Variants in KCNIP1 observed in about 807,000 individuals in gnomAD.
KCNIP1 encodes the protein A-type potassium channel modulatory protein KCNIP1.
In KCNIP1, 18 loss-of-function variants were observed where a neutral mutation model predicts 33.0. That is an observed-to-expected ratio of 0.55 (90% confidence interval 0.38 to 0.81). KCNIP1 has a LOEUF of 0.81. Among genes scored for constraint, KCNIP1 ranks in the 30% least tolerant of loss-of-function variants. KCNIP1 has a pLI of 0.00. For missense variants in KCNIP1, 238 were observed against 271.6 expected, an observed-to-expected ratio of 0.88 and a Z score of 0.87; for synonymous variants, 93 against 98.3, an observed-to-expected ratio of 0.95 and a Z score of 0.32.
At chr5:170,672,688 G>T (rs1442617854) in intron 1 of KCNIP1, among the ~76,000 whole-genome samples, 1 of 152,244 alleles carries the variant, frequency 6.6e-6, no homozygotes, top group Admixed American at 6.5e-5. Flanking sequence ...GTCATAGTGT[G>T]TCTAATGGCA....
At chr5:170,439,829 G>A (rs1755948101) in intron 1 of KCNIP1, among the ~76,000 whole-genome samples, 1 of 152,242 alleles carries the variant, frequency 6.6e-6, no homozygotes, top group Non-Finnish European at 1.5e-5. Flanking sequence ...AGTCTGCTGA[G>A]AAGAAGTGGG....
intron 1 of KCNIP1, among the ~76,000 whole-genome samples, chr5:170,563,077 T>C (rs1017602253): frequency 2.0e-5 from 3 of 152,214 alleles, no homozygotes; most frequent in African/African-American, 7.2e-5. Flanking sequence ...TCTTGGACAC[T>C]GCAGAAGACC....
intron 1 of KCNIP1, among the ~76,000 whole-genome samples, chr5:170,682,481 G>C (rs1055056492): frequency 6.6e-6 from 1 of 152,152 alleles, no homozygotes; most frequent in African/African-American, 2.4e-5. Flanking sequence ...GTGACTCTAT[G>C]ACCCTAAGGC....
intron 1 of KCNIP1, among the ~76,000 whole-genome samples, chr5:170,373,696 C>T (rs1763909247): frequency 6.6e-6 from 1 of 152,126 alleles, no homozygotes; most frequent in African/African-American, 2.4e-5. Context: ...TAGAAAGGCA[C>T]CTAGAATCTC....
chr5:170,425,973 G>A (rs1044793856), intron 1 of KCNIP1, among the ~76,000 whole-genome samples: 2 of 152,210 alleles, frequency 1.3e-5, no homozygotes, highest in African/African-American at 4.8e-5. Flanking sequence ...TAGGACTCAG[G>A]CATTTTCTCA....
At chr5:170,666,578 T>C (rs1235774323) in intron 1 of KCNIP1, among the ~76,000 whole-genome samples, 1 of 152,224 alleles carries the variant, frequency 6.6e-6, no homozygotes, top group Non-Finnish European at 1.5e-5. Context: ...AGAATAAGAA[T>C]GAAAATAAGT....
intron 1 of KCNIP1, among the ~76,000 whole-genome samples, chr5:170,382,114 G>A (rs703504): frequency 8.5e-5 from 13 of 152,110 alleles, no homozygotes; most frequent in Admixed American, 3.9e-4. Context: ...CATCTTGGTC[G>A]TGAGTGCTTG....
intron 1 of KCNIP1, among the ~76,000 whole-genome samples, chr5:170,619,708 C>T (rs548346352): frequency 6.6e-6 from 1 of 152,280 alleles, no homozygotes; most frequent in East Asian, 1.9e-4. Context: ...CTGTTCTTGG[C>T]CCATAATTAG....
intron 1 of KCNIP1, among the ~76,000 whole-genome samples, chr5:170,516,841 A>G (rs535746313): frequency 6.6e-6 from 1 of 152,306 alleles, no homozygotes; most frequent in South Asian, 2.1e-4. Flanking sequence ...TGTCATGAGG[A>G]TTAGTGAGAT....
chr5:170,435,230 A>G (rs1339624920), intron 1 of KCNIP1, among the ~76,000 whole-genome samples: 1 of 152,126 alleles, frequency 6.6e-6, no homozygotes, highest in Non-Finnish European at 1.5e-5. Flanking sequence ...TTTTGCTACA[A>G]CGTGTAGCCT....
intron 1 of KCNIP1, among the ~76,000 whole-genome samples, chr5:170,663,435 C>T (rs1192529101): frequency 6.6e-6 from 1 of 152,156 alleles, no homozygotes; most frequent in African/African-American, 2.4e-5. Flanking sequence ...GCCTCTCCCC[C>T]AGCAGCTGCA....
At chr5:170,500,770 C>T (rs568527132), upstream of KCNIP1, among the ~76,000 whole-genome samples, 1 of 152,272 alleles carries the variant, frequency 6.6e-6, no homozygotes, top group East Asian at 1.9e-4. Flanking sequence ...AAATAATACC[C>T]ATGTCACAAG....
chr5:170,727,905 C>T (rs1764064335), intron 5 of KCNIP1, among the ~76,000 whole-genome samples: 1 of 152,198 alleles, frequency 6.6e-6, no homozygotes, highest in South Asian at 2.1e-4. Context: ...CACTGCACCA[C>T]ACTCCAGCCT....
chr5:170,497,545 A>T (rs990347150), intron 1 of KCNIP1, among the ~76,000 whole-genome samples: 1 of 152,134 alleles, frequency 6.6e-6, no homozygotes, highest in Admixed American at 6.5e-5. Context: ...ACTCTGGGGG[A>T]AAAGGTTCAC....
intron 1 of KCNIP1, among the ~76,000 whole-genome samples, chr5:170,637,007 AT>A (rs1157382246): frequency 1.3e-5 from 2 of 149,998 alleles, no homozygotes; most frequent in African/African-American, 2.4e-5. Flanking sequence ...CCCCCAACCC[AT>A]CCCCATCACC....
At chr5:170,657,567 GAT>G (rs1215735787) in intron 1 of KCNIP1, among the ~76,000 whole-genome samples, 1 of 152,114 alleles carries the variant, frequency 6.6e-6, no homozygotes, top group Non-Finnish European at 1.5e-5. Context: ...CTTTCCCAAG[GAT>G]AGACAGCTTC....
At chr5:170,473,387 T>C (rs549955530) in intron 1 of KCNIP1, among the ~76,000 whole-genome samples, 1 of 152,202 alleles carries the variant, frequency 6.6e-6, no homozygotes, top group African/African-American at 2.4e-5. Flanking sequence ...CATTTTATAG[T>C]TGAGAAAACT....
At chr5:170,470,111 G>A (rs985784152) in intron 1 of KCNIP1, among the ~76,000 whole-genome samples, 2 of 152,246 alleles carry the variant, frequency 1.3e-5, no homozygotes, top group African/African-American at 2.4e-5. Context: ...CTAGCTGCCC[G>A]TCTTTGAATT....
chr5:170,504,222 G>A lies in KCNIP1; in HGVS notation c.-351G>A. The stretch of plus-strand genomic sequence containing the variant: ...CCGCACCGCACGCGGCGCTGGCTCG[G>A]CAGCCTCGGCCGGGCGGCCGCTCTG... On this transcript the variant is annotated 5_prime_UTR_variant, in exon 1 of 8. Coordinates refer to ENST00000328939, the MANE Select transcript of KCNIP1 (RefSeq NM_014592.4). This position sits in a 1 kb window ranked among gnomAD's most constrained non-coding sequence, Gnocchi z 6.0. 1 of 1,060,220 alleles carries A rather than the reference G, an allele frequency of 9.4e-7. No individual in the cohort carries two copies. The highest frequency in any genetic ancestry group is 1.1e-6 in the Non-Finnish European group (1 of 879,216). The allele number at this position is 1,060,220 out of a possible 1,614,324, so 65.7% of individuals were successfully genotyped here.
Sources: gnomAD v4.1 joint callset for allele counts (sites outside exome capture counted in the v4.1 genomes callset) on GRCh38, gnomAD v4.1.1 for gene constraint, Gnocchi (gnomAD v3.1) non-coding constraint, MANE v1.5 for transcripts, NCBI Gene and HGNC (gene_info 2026-07-23, HGNC 2026-07-21) for gene names.